TTC29: variants seen among roughly 807,000 people sequenced by gnomAD.
TTC29 encodes the protein tetratricopeptide repeat domain 29.
A neutral mutation model predicts 58.1 loss-of-function variants in TTC29; 49 were observed. The observed-to-expected ratio is 0.84, with a 90% CI of 0.67 to 1.07. The LOEUF (loss-of-function observed/expected upper bound fraction) is 1.07, where lower values mean the gene tolerates loss of function less well. TTC29 is among the 50% of genes least tolerant of loss of function. The pLI is 0.00. For missense variants in TTC29, 582 were observed against 555.6 expected (o/e 1.05, Z -0.48); for synonymous variants, 209 against 196.8 (o/e 1.06, Z -0.52).
At chr4:146,892,662 T>C (rs994859166) in intron 6 of TTC29, among the ~76,000 whole-genome samples, 29 of 152,152 alleles carry the variant, frequency 1.9e-4, no homozygotes, top group African/African-American at 6.3e-4. Flanking sequence ...CTATTCAACA[T>C]AGTGTTGGAA....
At chr4:146,933,905 T>A (rs1471364622) in intron 4 of TTC29, 1 of 150,160 alleles carries the variant, frequency 6.7e-6, no homozygotes, top group Non-Finnish European at 1.5e-5. Context: ...GCTTGCTTAC[T>A]CATTTACATT....
chr4:146,795,507 G>A (rs1579691242), intron 11 of TTC29, among the ~76,000 whole-genome samples: 1 of 152,144 alleles, frequency 6.6e-6, no homozygotes, highest in Non-Finnish European at 1.5e-5. Flanking sequence ...ATTTATTTTT[G>A]TATTAATTAT....
intron 11 of TTC29, among the ~76,000 whole-genome samples, chr4:146,791,827 C>T (rs185146085): frequency 2.0e-5 from 3 of 152,246 alleles, no homozygotes; most frequent in East Asian, 3.9e-4. Context: ...GGAAGCAAAA[C>T]AGCTGTATTG....
intron 11 of TTC29, among the ~76,000 whole-genome samples, chr4:146,768,705 C>T (rs781465867): frequency 4.6e-5 from 7 of 151,804 alleles, no homozygotes; most frequent in Non-Finnish European, 8.8e-5. Flanking sequence ...GTTTTGGAGA[C>T]GAATAGGAGC....
chr4:146,878,720 T>A (rs1286928369), intron 6 of TTC29, among the ~76,000 whole-genome samples: 1 of 152,182 alleles, frequency 6.6e-6, no homozygotes, highest in Non-Finnish European at 1.5e-5. Context: ...CCTAGTCTCT[T>A]CCAGTTCTAT....
chr4:146,930,517 GTTA>G (rs1735260210), intron 4 of TTC29, among the ~76,000 whole-genome samples: 2 of 152,060 alleles, frequency 1.3e-5, no homozygotes, highest in Non-Finnish European at 1.5e-5. Context: ...GGTGATGCTG[GTTA>G]TTACAACATC....
At chr4:146,883,111 C>T (rs1196062248) in intron 6 of TTC29, among the ~76,000 whole-genome samples, 1 of 152,106 alleles carries the variant, frequency 6.6e-6, no homozygotes, top group Non-Finnish European at 1.5e-5. Context: ...CCAAAGTCTA[C>T]TGTGACTTTA....
chr4:146,911,429 A>T (rs1452681788), intron 4 of TTC29, among the ~76,000 whole-genome samples: 1 of 152,224 alleles, frequency 6.6e-6, no homozygotes, highest in Non-Finnish European at 1.5e-5. Context: ...AGGTCAGCAT[A>T]TTTCCAGAGC....
intron 11 of TTC29, among the ~76,000 whole-genome samples, chr4:146,721,991 A>C (rs1414043942): frequency 1.3e-5 from 2 of 152,204 alleles, no homozygotes; most frequent in African/African-American, 4.8e-5. Flanking sequence ...ATGTAAAAAA[A>C]TCAGTAGCAT....
intron 11 of TTC29, among the ~76,000 whole-genome samples, chr4:146,783,296 C>G (rs529575627): frequency 5.9e-5 from 9 of 151,690 alleles, no homozygotes; most frequent in Non-Finnish European, 4.4e-5. Context: ...TCATGTGTCT[C>G]TTGTTTAGCT....
chr4:146,889,937 GT>G (rs1471681672), intron 6 of TTC29, among the ~76,000 whole-genome samples: 1 of 151,984 alleles, frequency 6.6e-6, no homozygotes, highest in African/African-American at 2.4e-5. Context: ...GCACATAATT[GT>G]TTTTTATGTG....
intron 11 of TTC29, among the ~76,000 whole-genome samples, chr4:146,732,949 G>C (rs1291812029): frequency 6.6e-6 from 1 of 152,196 alleles, no homozygotes; most frequent in African/African-American, 2.4e-5. Context: ...GTCATCACTT[G>C]AGAGTACTGT....
At chr4:146,757,183 G>A (rs1237688896) in intron 11 of TTC29, among the ~76,000 whole-genome samples, 1 of 151,890 alleles carries the variant, frequency 6.6e-6, no homozygotes, top group African/African-American at 2.4e-5. Context: ...AAGGTCTAGG[G>A]CTGAAGGCTG....
intron 7 of TTC29, among the ~76,000 whole-genome samples, chr4:146,867,795 A>G (rs528188367): frequency 1.6e-4 from 24 of 152,258 alleles, no homozygotes; most frequent in Non-Finnish European, 3.2e-4. Flanking sequence ...TGCTTTAAGG[A>G]TATAATTATA....
intron 11 of TTC29, among the ~76,000 whole-genome samples, chr4:146,718,303 T>C (rs917037568): frequency 1.3e-5 from 2 of 152,226 alleles, no homozygotes; most frequent in Admixed American, 1.3e-4. Context: ...TACAGATTTC[T>C]GTAATGGTTG....
At chr4:146,764,171 T>C (rs891760168) in intron 11 of TTC29, 2 of 152,146 alleles carry the variant, frequency 1.3e-5, no homozygotes, top group Admixed American at 1.3e-4. Flanking sequence ...TTGCATTCAG[T>C]ATTCAATCAC....
At chr4:146,937,806 A>G (rs1301551071) in intron 3 of TTC29, 129 bp from the exon 4 acceptor site, 2 of 505,162 alleles carry the variant, frequency 4.0e-6, no homozygotes, top group African/African-American at 4.1e-5. Flanking sequence ...CGCAATAGCT[A>G]TAGAGTTAGG....
chr4:146,739,648 A>G (rs1446009981), intron 11 of TTC29, among the ~76,000 whole-genome samples: 1 of 152,158 alleles, frequency 6.6e-6, no homozygotes, highest in East Asian at 1.9e-4. Context: ...GGATATTCGG[A>G]GTGGAGAGTA....
chr4:146,867,337 A>G (rs1730628620), intron 8 of TTC29, among the ~76,000 whole-genome samples, 161 bp downstream of exon 8: 1 of 152,174 alleles, frequency 6.6e-6, no homozygotes, highest in Non-Finnish European at 1.5e-5. Flanking sequence ...CGATTTTTAA[A>G]ATGCTTCTAG....
Sources: gnomAD v4.1 joint callset for allele counts (sites outside exome capture counted in the v4.1 genomes callset) on GRCh38, gnomAD v4.1.1 for gene constraint, MANE v1.5 for transcripts, NCBI Gene and HGNC (gene_info 2026-07-23, HGNC 2026-07-21) for gene names.